EXT1: variants seen among roughly 807,000 people sequenced by gnomAD.
The protein encoded by EXT1 is exostosin-1.
Under a neutral mutation model 82.5 loss-of-function variants are expected in EXT1, and 20 were observed. The observed-to-expected ratio is 0.24, with a 90% confidence interval of 0.17 to 0.35. The LOEUF (loss-of-function observed/expected upper bound fraction) is 0.35. Ranked by LOEUF, EXT1 falls within the 10% of genes least tolerant of loss-of-function variation. The probability of loss-of-function intolerance (pLI) is 1.00; values close to 1 mark genes in which losing one functional copy is unlikely to be tolerated. For synonymous variants in EXT1, 348 were observed against 350.8 expected, an observed-to-expected ratio of 0.99 and a Z score of 0.09; for missense variants, 757 against 936.5, an observed-to-expected ratio of 0.81 and a Z score of 2.50.
At chr8:117,861,042 T>G (rs1320884164) in intron 1 of EXT1, among the ~76,000 whole-genome samples, 2 of 152,236 alleles carry the variant, frequency 1.3e-5, no homozygotes, top group Non-Finnish European at 2.9e-5. Flanking sequence ...CAGGACATTT[T>G]GAGCTTATTT....
chr8:117,888,664 C>G (rs1485345082), intron 1 of EXT1, among the ~76,000 whole-genome samples: 1 of 152,162 alleles, frequency 6.6e-6, no homozygotes, highest in Non-Finnish European at 1.5e-5. Flanking sequence ...AAGCCAGAAG[C>G]TGATGTTTCT....
At chr8:118,046,013 C>A (rs1816616519) in intron 1 of EXT1, among the ~76,000 whole-genome samples, 1 of 152,016 alleles carries the variant, frequency 6.6e-6, no homozygotes, top group South Asian at 2.1e-4. Flanking sequence ...CCAGGCTGGT[C>A]TCAAACTCCT....
intron 1 of EXT1, among the ~76,000 whole-genome samples, chr8:117,974,909 ACCCACTCACTC>A (rs1563617970): frequency 6.6e-6 from 1 of 152,132 alleles, no homozygotes; most frequent in Non-Finnish European, 1.5e-5. Flanking sequence ...TATAAAGCAC[ACCCACTCACTC>A]CCCACCATCT....
chr8:117,882,969 T>G (rs1463827887), intron 1 of EXT1, among the ~76,000 whole-genome samples: 2 of 139,224 alleles, frequency 1.4e-5, no homozygotes, highest in African/African-American at 5.5e-5. Flanking sequence ...AAAATGAGAC[T>G]CTGTCTCAAA....
intron 8 of EXT1, among the ~76,000 whole-genome samples, chr8:117,811,074 A>G (rs1316337205): frequency 6.6e-6 from 1 of 152,118 alleles, no homozygotes; most frequent in South Asian, 2.1e-4. Flanking sequence ...CAGGTGCCTC[A>G]TTCTCTCTTA....
At chr8:118,088,698 T>C (rs80135995) in intron 1 of EXT1, among the ~76,000 whole-genome samples, 4 of 144,816 alleles carry the variant, frequency 2.8e-5, no homozygotes, top group African/African-American at 7.4e-5. Flanking sequence ...TTTTTTTTTT[T>C]CCTCTGCTTT....
At chr8:117,801,650 T>G (rs1332798335) in intron 10 of EXT1, among the ~76,000 whole-genome samples, 1 of 152,152 alleles carries the variant, frequency 6.6e-6, no homozygotes, top group Non-Finnish European at 1.5e-5. Context: ...GGATTACAGG[T>G]GCACACCACC....
chr8:118,072,584 G>T (rs1031548187), intron 1 of EXT1, among the ~76,000 whole-genome samples: 1 of 152,196 alleles, frequency 6.6e-6, no homozygotes, highest in East Asian at 1.9e-4. Context: ...ATTTGCAGTG[G>T]AAGTTTTACT....
intron 1 of EXT1, among the ~76,000 whole-genome samples, chr8:117,843,410 T>A (rs367546783): frequency 2.6e-5 from 4 of 152,156 alleles, no homozygotes; most frequent in African/African-American, 9.7e-5. Context: ...CAGGGAGGCC[T>A]CCTGGAGGAA....
chr8:118,057,299 G>C lies in EXT1; in HGVS notation c.962+52786C>G, dbSNP rs1388620471. On this transcript the variant is annotated intron_variant, in intron 1 of 10. Transcript: ENST00000378204. ...TCACATCTGTAATCCCAACACTTTG[G>C]GAGGCCGAGGCAGGTGGATCACCTG... is the stretch of plus-strand genomic sequence containing the variant. Among the ~76,000 whole-genome samples, 4 of 152,146 alleles carry C rather than the reference G, an allele frequency of 2.6e-5. No homozygotes were observed. In the South Asian group the frequency reaches 8.3e-4, roughly 32 times the overall value.
intron 5 of EXT1, among the ~76,000 whole-genome samples, chr8:117,820,958 C>A (rs1811913625): frequency 6.6e-6 from 1 of 152,160 alleles, no homozygotes; most frequent in Non-Finnish European, 1.5e-5. Context: ...GCAAAACAAC[C>A]ACTGTCACCA....
chr8:117,885,506 A>C, intron 1 of EXT1, among the ~76,000 whole-genome samples: 1 of 151,652 alleles, frequency 6.6e-6, no homozygotes, highest in Non-Finnish European at 1.5e-5. Flanking sequence ...AAAAAAAAAA[A>C]AAAAAAGAAA....
intron 1 of EXT1, among the ~76,000 whole-genome samples, chr8:117,857,799 G>A (rs1218574411): frequency 6.6e-6 from 1 of 152,170 alleles, no homozygotes; most frequent in Non-Finnish European, 1.5e-5. Flanking sequence ...TCCTCTGATG[G>A]ATCTGGGCAA....
intron 1 of EXT1, among the ~76,000 whole-genome samples, chr8:118,100,683 T>G (rs994153826): frequency 1.3e-5 from 2 of 151,512 alleles, no homozygotes; most frequent in African/African-American, 2.4e-5. Flanking sequence ...GAGGCAGAGG[T>G]TGCAGTGAGC....
chr8:117,855,668 C>T, intron 1 of EXT1, among the ~76,000 whole-genome samples: 1 of 152,146 alleles, frequency 6.6e-6, no homozygotes, highest in Non-Finnish European at 1.5e-5. Context: ...ACACGTCTCT[C>T]ACTTTATTTA....
Position 117,795,147 on chromosome 8 carries a change from G to C in EXT1, c.*4565C>G. Reference sequence around the variant, plus strand: ...CTTGATTTTAAACAAGGGTGAGACTGTGCTATCCTGAGGGCTCAGCTTTCT... The same window carrying C: ...CTTGATTTTAAACAAGGGTGAGACTCTGCTATCCTGAGGGCTCAGCTTTCT... On this transcript the variant is annotated 3_prime_UTR_variant, in exon 11 of 11. Transcript: ENST00000378204. 1 of 152,232 alleles carries C rather than the reference G, an allele frequency of 6.6e-6. No homozygotes were observed. The highest frequency in any genetic ancestry group is 1.5e-5 in the Non-Finnish European group (1 of 68,048). The allele number at this position is 152,232 out of a possible 1,614,324, so 9.4% of individuals were successfully genotyped here. A position where few individuals can be genotyped will look rare whatever the true frequency, so the allele number is the denominator to read the frequency against.
rs952075911 is a variant in EXT1, at chr8:117,794,749, A to T, written c.*4963T>A. 2.0e-5 allele frequency: 3 copies of T among 152,208 alleles called. No individual in the cohort carries two copies. Among genetic ancestry groups the T allele is most frequent in the Admixed American group, 6.5e-5 (1 of 15,286 alleles). The allele number at this position is 152,208 out of a possible 1,614,324, so 9.4% of individuals were successfully genotyped here. The stretch of plus-strand genomic sequence containing the variant: ...AAATGGGAAAAACACTTCAGAAAAG[A>T]CCTGTGGTGACACTACAAAAACATT... On this transcript the variant is annotated 3_prime_UTR_variant, in exon 11 of 11. Transcript: ENST00000378204.
intron 1 of EXT1, among the ~76,000 whole-genome samples, chr8:117,997,245 CTA>C (rs67974546): frequency 0.062 from 8,394 of 136,016 alleles, 804 homozygotes; most frequent in African/African-American, 0.21. Context: ...AGTTGTCATA[CTA>C]TATATATATA....
At chr8:117,925,705 C>CAAAAAAAAAAAAAAAAAAAA (rs3049788) in intron 1 of EXT1, among the ~76,000 whole-genome samples, 1 of 98,628 alleles carries the variant, frequency 1.0e-5, no homozygotes, top group Non-Finnish European at 2.0e-5. Context: ...CCTGTCTCTA[C>CAAAAAAAAAAAAAAAAAAAA]AAAAAAAAAA....
Sources: allele counts gnomAD v4.1 joint callset (sites outside exome capture counted in the v4.1 genomes callset), GRCh38; gene constraint gnomAD v4.1.1; transcripts MANE v1.5; gene names NCBI Gene and HGNC (gene_info 2026-07-23, HGNC 2026-07-21).